Variants in ME3 observed in about 807,000 individuals in gnomAD.
ME3 encodes the protein malic enzyme 3, also known as NADP-dependent malic enzyme, mitochondrial.
ME3 carries 48 observed loss-of-function variants against 68.9 expected under a neutral mutation model. The observed-to-expected ratio is 0.70, with a 90% CI of 0.55 to 0.89. The LOEUF is 0.89. Among genes scored for constraint, ME3 ranks in the 40% least tolerant of loss-of-function variants. ME3 has a pLI of 0.00. For missense variants in ME3, 675 were observed against 797.4 expected (o/e 0.85, Z 1.85); for synonymous variants, 320 against 318.8 (o/e 1.00, Z -0.04).
chr11:86,461,391 G>T (rs1268888432), intron 8 of ME3, among the ~76,000 whole-genome samples: 1 of 152,192 alleles, frequency 6.6e-6, no homozygotes, highest in Non-Finnish European at 1.5e-5. Flanking sequence ...AGTTCTGTGT[G>T]CATGCAAAAT....
Position 86,628,803 on chromosome 11 carries a change from A to G in ME3, c.183+42959T>C, listed in dbSNP as rs547665772. Among the ~76,000 whole-genome samples the G allele has an allele frequency of 3.3e-5, 5 of 152,340 alleles. No individual in the cohort carries two copies. In the South Asian group the frequency reaches 6.2e-4, roughly 19 times the overall value. ...CCTGCACTGGGTAGGCCTTGACTCA[A>G]TTATGGGGCCTGTGAGCCTCAGTTT... is the stretch of plus-strand genomic sequence containing the variant. On this transcript the variant is annotated intron_variant, in intron 2 of 14. Transcript: ENST00000543262.
intron 8 of ME3, among the ~76,000 whole-genome samples, chr11:86,451,233 C>T (rs1163788697): frequency 1.3e-5 from 2 of 152,218 alleles, no homozygotes; most frequent in Admixed American, 6.5e-5. Context: ...GCTGGATGAT[C>T]AGGGACTTGG....
chr11:86,475,862 T>TAGAG (rs1341982079), intron 7 of ME3, among the ~76,000 whole-genome samples: 13 of 115,994 alleles, frequency 1.1e-4, no homozygotes, highest in Non-Finnish European at 5.3e-5. Flanking sequence ...TATATATATA[T>TAGAG]ATATATATAT....
chr11:86,524,584 A>G (rs1197598923), intron 4 of ME3, among the ~76,000 whole-genome samples: 2 of 152,234 alleles, frequency 1.3e-5, no homozygotes, highest in Non-Finnish European at 2.9e-5. Flanking sequence ...ATGGGCAGGC[A>G]TCTGAGTCCT....
At chr11:86,640,044 C>A (rs1399388245) in intron 2 of ME3, among the ~76,000 whole-genome samples, 1 of 152,184 alleles carries the variant, frequency 6.6e-6, no homozygotes, top group Non-Finnish European at 1.5e-5. Context: ...AAACTTTAGC[C>A]ACTCTACAGC....
chr11:86,467,187 G>A (rs1160186074), intron 7 of ME3, among the ~76,000 whole-genome samples: 1 of 152,194 alleles, frequency 6.6e-6, no homozygotes, highest in Non-Finnish European at 1.5e-5. Context: ...GAAAACTCAA[G>A]ATCTACTTTC....
intron 4 of ME3, among the ~76,000 whole-genome samples, chr11:86,521,067 C>T (rs1463794067): frequency 1.3e-5 from 2 of 152,178 alleles, no homozygotes; most frequent in Non-Finnish European, 1.5e-5. Context: ...TATTATTTAA[C>T]TCCACCGAAT....
chr11:86,604,770 C>A (rs907031906), intron 2 of ME3, among the ~76,000 whole-genome samples: 3 of 152,066 alleles, frequency 2.0e-5, no homozygotes, highest in Non-Finnish European at 4.4e-5. Context: ...AGACAAACTT[C>A]TAGGTTAGAA....
intron 2 of ME3, among the ~76,000 whole-genome samples, chr11:86,604,600 A>G (rs1444677574): frequency 6.6e-6 from 1 of 152,200 alleles, no homozygotes; most frequent in Non-Finnish European, 1.5e-5. Flanking sequence ...ATAAAATGAT[A>G]TAAATGTAAA....
At chr11:86,471,797 T>C (rs1009944915) in intron 7 of ME3, among the ~76,000 whole-genome samples, 1 of 152,172 alleles carries the variant, frequency 6.6e-6, no homozygotes, top group African/African-American at 2.4e-5. Flanking sequence ...GACCCATATC[T>C]TAGAAGAACA....
At chr11:86,438,863 G>T (rs1948911670), downstream of ME3, among the ~76,000 whole-genome samples, 1 of 151,968 alleles carries the variant, frequency 6.6e-6, no homozygotes, top group South Asian at 2.1e-4. Context: ...TCTCTCTGTT[G>T]ATTTATTATA....
intron 4 of ME3, among the ~76,000 whole-genome samples, chr11:86,525,862 CAAAA>C (rs774590648): frequency 1.9e-5 from 2 of 102,626 alleles, no homozygotes; most frequent in African/African-American, 3.4e-5. Flanking sequence ...AACTCTGTCT[CAAAA>C]AAAAAAAAAA....
intron 8 of ME3, among the ~76,000 whole-genome samples, chr11:86,463,912 C>T (rs768637746): frequency 3.9e-5 from 6 of 152,212 alleles, no homozygotes; most frequent in Non-Finnish European, 8.8e-5. Flanking sequence ...AAGTTACTTA[C>T]TCTTTTTCTG....
chr11:86,523,015 C>T (rs1053166887), intron 4 of ME3, among the ~76,000 whole-genome samples: 1 of 152,086 alleles, frequency 6.6e-6, no homozygotes, highest in Non-Finnish European at 1.5e-5. Context: ...TTTTGCCCTT[C>T]ATGACTTTTT....
chr11:86,436,534 T>C (rs948669878), downstream of ME3: 5 of 152,134 alleles, frequency 3.3e-5, no homozygotes, highest in South Asian at 2.1e-4. Context: ...TTTATTTCTT[T>C]TATGAATCAT....
chr11:86,472,324 G>A (rs1319051327), intron 7 of ME3, among the ~76,000 whole-genome samples: 1 of 152,194 alleles, frequency 6.6e-6, no homozygotes, highest in Non-Finnish European at 1.5e-5. Context: ...AGGGCAAGGG[G>A]GACCCACTGA....
chr11:86,529,166 A>G (rs1342120203), intron 4 of ME3, among the ~76,000 whole-genome samples: 3 of 152,218 alleles, frequency 2.0e-5, no homozygotes, highest in East Asian at 1.9e-4. Context: ...AAAAAATGAT[A>G]AAGGGGATAT....
intron 2 of ME3, among the ~76,000 whole-genome samples, chr11:86,623,396 A>G (rs551516822): frequency 2.2e-4 from 34 of 152,262 alleles, no homozygotes; most frequent in African/African-American, 7.9e-4. Flanking sequence ...TGGTGCTCCA[A>G]CTTGCAGATG....
chr11:86,638,729 G>A (rs1427009200), intron 2 of ME3, among the ~76,000 whole-genome samples: 2 of 152,180 alleles, frequency 1.3e-5, no homozygotes, highest in Non-Finnish European at 2.9e-5. Flanking sequence ...ACCTTAGGAG[G>A]TTAGAACTGT....
Sources: allele counts gnomAD v4.1 joint callset (sites outside exome capture counted in the v4.1 genomes callset), GRCh38; gene constraint gnomAD v4.1.1; transcripts MANE v1.5; gene names NCBI Gene and HGNC (gene_info 2026-07-23, HGNC 2026-07-21).